The following SLC9A9 variants were observed in gnomAD, a reference collection of about 807,000 sequenced individuals.
SLC9A9 encodes solute carrier family 9 member A9.
In SLC9A9, 62 loss-of-function variants were observed where a neutral mutation model predicts 77.8. The observed-to-expected ratio is 0.80, with a 90% CI of 0.65 to 0.98. The LOEUF is 0.98. Among genes scored for constraint, SLC9A9 ranks in the 50% least tolerant of loss-of-function variants. The pLI is 0.00. For synonymous variants in SLC9A9, 320 were observed against 283.5 expected (o/e 1.13, Z -1.29); for missense variants, 775 against 774.9 (o/e 1.00, Z 0.00).
chr3:143,280,796 G>C (rs1005848825), intron 14 of SLC9A9, among the ~76,000 whole-genome samples: 1 of 151,952 alleles, frequency 6.6e-6, no homozygotes, highest in Non-Finnish European at 1.5e-5. Flanking sequence ...CAGGTGACCT[G>C]CCTGCCTTGG....
chr3:143,469,623 C>A (rs1222187275), intron 11 of SLC9A9, among the ~76,000 whole-genome samples: 1 of 152,160 alleles, frequency 6.6e-6, no homozygotes. Flanking sequence ...ATATAACGCT[C>A]CTTTCTTACC....
At chr3:143,431,485 C>CT (rs35264017) in intron 12 of SLC9A9, among the ~76,000 whole-genome samples, 64,878 of 129,858 alleles carry the variant, frequency 0.5, 16,011 homozygotes, top group Middle Eastern at 0.58. Flanking sequence ...CTGCCCCCAC[C>CT]TTTTTTTTTT....
At chr3:143,812,400 C>T (rs910305054) in intron 2 of SLC9A9, among the ~76,000 whole-genome samples, 12 of 152,102 alleles carry the variant, frequency 7.9e-5, no homozygotes, top group Non-Finnish European at 1.5e-4. Flanking sequence ...TCATAAAACG[C>T]GCCTGTTAAA....
chr3:143,807,251 C>A (rs571917925), intron 2 of SLC9A9, among the ~76,000 whole-genome samples: 1 of 152,010 alleles, frequency 6.6e-6, no homozygotes, highest in East Asian at 2.0e-4. Context: ...CAAGACCAGC[C>A]TGGCCAAATT....
chr3:143,627,883 A>G (rs1186353081), intron 6 of SLC9A9, among the ~76,000 whole-genome samples: 1 of 152,248 alleles, frequency 6.6e-6, no homozygotes, highest in East Asian at 1.9e-4. Context: ...ATAAAATACA[A>G]AGAGCTAAAA....
At chr3:143,720,641 G>A (rs909584086) in intron 4 of SLC9A9, among the ~76,000 whole-genome samples, 1 of 152,122 alleles carries the variant, frequency 6.6e-6, no homozygotes, top group Non-Finnish European at 1.5e-5. Context: ...TAATTGCAAA[G>A]AGCCAGTATC....
chr3:143,439,534 T>C (rs1259031294), intron 12 of SLC9A9, among the ~76,000 whole-genome samples: 1 of 152,110 alleles, frequency 6.6e-6, no homozygotes, highest in East Asian at 1.9e-4. Context: ...AAGAAGAGCA[T>C]CCTGAGCCAT....
intron 4 of SLC9A9, among the ~76,000 whole-genome samples, chr3:143,737,996 T>C (rs67785207): frequency 0.11 from 16,354 of 152,240 alleles, 1,228 homozygotes; most frequent in African/African-American, 0.22. Flanking sequence ...TTTAATTTTT[T>C]ACATAGTAAC....
intron 14 of SLC9A9, among the ~76,000 whole-genome samples, chr3:143,281,240 T>C (rs1338234129): frequency 1.3e-5 from 2 of 152,148 alleles, no homozygotes; most frequent in African/African-American, 2.4e-5. Flanking sequence ...ATGGAGGACA[T>C]TTGCCCTAGA....
At chr3:143,311,703 T>C (rs573161438) in intron 14 of SLC9A9, among the ~76,000 whole-genome samples, 2 of 152,336 alleles carry the variant, frequency 1.3e-5, no homozygotes, top group African/African-American at 2.4e-5. Flanking sequence ...AAGGGCATGT[T>C]TTCTCAAGAT....
chr3:143,770,112 C>T (rs2007464835), intron 4 of SLC9A9, among the ~76,000 whole-genome samples: 1 of 152,098 alleles, frequency 6.6e-6, no homozygotes, highest in Middle Eastern at 3.4e-3. Context: ...ATGAATTCTC[C>T]ACAAGTTAAT....
intron 6 of SLC9A9, among the ~76,000 whole-genome samples, chr3:143,606,432 CTCTCTATATATA>C (rs1321626986): frequency 1.8e-3 from 105 of 58,714 alleles, no homozygotes; most frequent in Admixed American, 6.3e-3. Context: ...CTCTCTCTCT[CTCTCTATATATA>C]TATATATATA....
chr3:143,458,700 C>T (rs1157686107), intron 12 of SLC9A9, among the ~76,000 whole-genome samples: 2 of 152,048 alleles, frequency 1.3e-5, no homozygotes, highest in Non-Finnish European at 2.9e-5. Flanking sequence ...AGAAAACTTA[C>T]CACTTACAGG....
At chr3:143,689,968 T>C (rs1933406611) in intron 5 of SLC9A9, among the ~76,000 whole-genome samples, 1 of 151,968 alleles carries the variant, frequency 6.6e-6, no homozygotes, top group East Asian at 1.9e-4. Context: ...ATATATAATC[T>C]AATTTTAAAA....
At chr3:143,450,043 A>G (rs1421347579) in intron 12 of SLC9A9, among the ~76,000 whole-genome samples, 3 of 109,114 alleles carry the variant, frequency 2.7e-5, no homozygotes, top group South Asian at 2.7e-4. Context: ...ACATATATGT[A>G]TATATACACA....
In SLC9A9 at chr3:143,598,436, C is replaced by T. The variant is rs572197704; in HGVS notation, c.756-19713G>A. Among the ~76,000 whole-genome samples, 146 of 152,352 alleles carry T rather than the reference C, an allele frequency of 9.6e-4. 3 individuals carry two copies. In the South Asian group the frequency reaches 0.029, roughly 30 times the overall value. On this transcript the variant is annotated intron_variant, in intron 6 of 15. Transcript: ENST00000316549. ...CCTTGAGAGGAGCCTCCTGCTTTCACTTGAAGCTCAGGACACTAATGGAGG... is the reference window on the plus strand; with the variant it reads ...CCTTGAGAGGAGCCTCCTGCTTTCATTTGAAGCTCAGGACACTAATGGAGG...
At chr3:143,797,142 A>G (rs978351952) in intron 2 of SLC9A9, among the ~76,000 whole-genome samples, 3 of 110,638 alleles carry the variant, frequency 2.7e-5, no homozygotes, top group African/African-American at 7.6e-5. Flanking sequence ...AACAACAACA[A>G]AAACTCAGTG....
At chr3:143,282,464 C>A (rs1443485994) in intron 14 of SLC9A9, among the ~76,000 whole-genome samples, 1 of 152,302 alleles carries the variant, frequency 6.6e-6, no homozygotes, top group African/African-American at 2.4e-5. Context: ...GCATAGATTG[C>A]TACTTACCTA....
intron 11 of SLC9A9, among the ~76,000 whole-genome samples, chr3:143,467,419 C>T (rs2035302140): frequency 1.3e-5 from 2 of 152,110 alleles, no homozygotes; most frequent in African/African-American, 4.8e-5. Context: ...AATATGTCAA[C>T]CAGAATATTG....
Sources: allele counts gnomAD v4.1 joint callset (sites outside exome capture counted in the v4.1 genomes callset), GRCh38; gene constraint gnomAD v4.1.1; transcripts MANE v1.5; gene names NCBI Gene and HGNC (gene_info 2026-07-23, HGNC 2026-07-21).